Variants in CSNK1A1 observed in about 807,000 individuals in gnomAD.
CSNK1A1 encodes casein kinase 1 alpha 1.
CSNK1A1 carries 7 observed loss-of-function variants against 46.1 expected under a neutral mutation model. The observed-to-expected ratio is 0.15, with a 90% CI of 0.09 to 0.29. The LOEUF (loss-of-function observed/expected upper bound fraction) is 0.29, where lower values mean the gene tolerates loss of function less well. CSNK1A1 is among the 10% of genes least tolerant of loss of function. CSNK1A1 has a pLI of 1.00. For missense variants in CSNK1A1, 96 were observed against 417.1 expected (o/e 0.23, Z 6.71); for synonymous variants, 137 against 141.5 (o/e 0.97, Z 0.23).
At chr5:149,514,061 C>T (rs1761321707) in intron 4 of CSNK1A1, among the ~76,000 whole-genome samples, 1 of 152,148 alleles carries the variant, frequency 6.6e-6, no homozygotes, top group African/African-American at 2.4e-5. Flanking sequence ...TTAGCACTGA[C>T]ATTATACAAA....
chr5:149,497,782 C>A (rs1197967304), intron 9 of CSNK1A1: 1 of 985,336 alleles, frequency 1.0e-6, no homozygotes, highest in African/African-American at 1.7e-5. Flanking sequence ...ATCCTCACTT[C>A]TTCAGCCCAG....
intron 2 of CSNK1A1, among the ~76,000 whole-genome samples, chr5:149,540,922 C>CA (rs1029871798): frequency 6.0e-5 from 9 of 150,788 alleles, no homozygotes; most frequent in East Asian, 4.0e-4. Flanking sequence ...TACAAAAATA[C>CA]AAAAAAAATT....
At chr5:149,498,882 A>C in intron 9 of CSNK1A1, 1 of 985,442 alleles carries the variant, frequency 1.0e-6, no homozygotes, top group Non-Finnish European at 1.2e-6. Context: ...AAACTTCAGA[A>C]TGTATCTGTA....
chr5:149,542,620 A>ATGTG, intron 2 of CSNK1A1, among the ~76,000 whole-genome samples: 1 of 12,858 alleles, frequency 7.8e-5, no homozygotes, highest in East Asian at 5.7e-3. Context: ...ATATATATAT[A>ATGTG]TATATATATA....
intron 3 of CSNK1A1, 79 bp downstream of exon 3, chr5:149,524,966 A>G: frequency 7.6e-7 from 1 of 1,319,682 alleles, no homozygotes; most frequent in Non-Finnish European, 1.0e-6. Flanking sequence ...ACAGGATTTT[A>G]ATACTCTGAT....
At position 149,521,154 on chromosome 5, in the gene CSNK1A1, G is replaced by A. The variant is rs551918243; in HGVS notation, c.358-766C>T. On this transcript the variant is annotated intron_variant, in intron 3 of 9. Transcript: ENST00000377843. ...CCCACTAGTGCTTTTATTTCTATGG[G>A]CTTCAAATCCCATATAATTATGGGG... Among the ~76,000 whole-genome samples, 12 of 152,002 alleles carry A rather than the reference G, an allele frequency of 7.9e-5. No individual in the cohort carries two copies. In the East Asian group the frequency reaches 1.9e-3, roughly 24 times the overall value.
intron 9 of CSNK1A1, chr5:149,504,544 C>A: frequency 3.0e-6 from 3 of 985,330 alleles, no homozygotes; most frequent in Non-Finnish European, 3.6e-6. Flanking sequence ...AAAAGAAAGA[C>A]AAAACATGAA....
At chr5:149,530,571 G>A (rs1016966684) in intron 2 of CSNK1A1, among the ~76,000 whole-genome samples, 4 of 152,090 alleles carry the variant, frequency 2.6e-5, no homozygotes, top group African/African-American at 9.7e-5. Flanking sequence ...CAACCTTTAT[G>A]CTCCTTTTTA....
At chr5:149,539,329 G>A (rs116245512) in intron 2 of CSNK1A1, among the ~76,000 whole-genome samples, 1 of 152,074 alleles carries the variant, frequency 6.6e-6, no homozygotes, top group Admixed American at 6.6e-5. Context: ...AGCCAAGTAT[G>A]GTGGTGTATG....
At chr5:149,509,785 A>T in intron 7 of CSNK1A1, 94 bp downstream of exon 7, 1 of 808,414 alleles carries the variant, frequency 1.2e-6, no homozygotes, top group Non-Finnish European at 1.9e-6. Context: ...CATGTGACCT[A>T]CTGCCTTGGC....
intron 2 of CSNK1A1, chr5:149,549,241 T>C (rs1005098425): frequency 1.0e-5 from 5 of 484,760 alleles, no homozygotes; most frequent in South Asian, 3.6e-5. Context: ...AATTTTAACA[T>C]AGTTGGTGCT....
At chr5:149,538,896 T>C (rs985359529) in intron 2 of CSNK1A1, among the ~76,000 whole-genome samples, 1 of 149,664 alleles carries the variant, frequency 6.7e-6, no homozygotes, top group African/African-American at 2.5e-5. Context: ...CACTCCAGCT[T>C]GGGCAACAAG....
chr5:149,510,032 T>C, intron 6 of CSNK1A1, 79 bp from the exon 7 acceptor site: 1 of 905,970 alleles, frequency 1.1e-6, no homozygotes, highest in Middle Eastern at 2.2e-4. Context: ...ACTAGACATA[T>C]AAACATATAC....
intron 9 of CSNK1A1, among the ~76,000 whole-genome samples, chr5:149,499,950 GT>G (rs796205179): frequency 1.4e-5 from 2 of 138,152 alleles, no homozygotes; most frequent in Non-Finnish European, 3.1e-5. Flanking sequence ...TGGTTGTGGG[GT>G]TTTTTTTCTT....
At chr5:149,510,703 T>C (rs1354528811) in intron 6 of CSNK1A1, among the ~76,000 whole-genome samples, 2 of 152,094 alleles carry the variant, frequency 1.3e-5, no homozygotes, top group African/African-American at 4.8e-5. Context: ...GGTCTTGAAC[T>C]CCTGGGCTCA....
At chr5:149,503,392 A>AAG (rs1301521683) in intron 9 of CSNK1A1, 1 of 985,430 alleles carries the variant, frequency 1.0e-6, no homozygotes, top group African/African-American at 1.7e-5. Flanking sequence ...AAAGAGCAAA[A>AAG]AGAAGTCTGT....
At chr5:149,509,280 A>G (rs1208475527) in intron 7 of CSNK1A1, among the ~76,000 whole-genome samples, 2 of 152,196 alleles carry the variant, frequency 1.3e-5, no homozygotes, top group African/African-American at 4.8e-5. Context: ...ATTTAGAATA[A>G]TAAAAATGTA....
chr5:149,534,768 T>A lies in CSNK1A1; in HGVS notation c.231-9597A>T, dbSNP rs528938008. On this transcript the variant is annotated intron_variant, in intron 2 of 9. Transcript: ENST00000377843. The stretch of plus-strand genomic sequence containing the variant: ...GCCAACAAAGACCCCGGTCTCTCTA[T>A]GAAAAATAAAAAATTAGCCAGGCGT... Among the ~76,000 whole-genome samples, 3 of 151,454 alleles carry A rather than the reference T, an allele frequency of 2.0e-5. 1 individual carries two copies. The highest frequency in any genetic ancestry group is 2.0e-4 in the Admixed American group (3 of 15,224).
intron 9 of CSNK1A1, among the ~76,000 whole-genome samples, chr5:149,499,779 C>T (rs1425326399): frequency 6.6e-6 from 1 of 151,908 alleles, no homozygotes; most frequent in Non-Finnish European, 1.5e-5. Context: ...TAAATAGAAC[C>T]AGAAACTAGT....
Sources: gnomAD v4.1 joint callset for allele counts (sites outside exome capture counted in the v4.1 genomes callset) on GRCh38, gnomAD v4.1.1 for gene constraint, MANE v1.5 for transcripts, NCBI Gene and HGNC (gene_info 2026-07-23, HGNC 2026-07-21) for gene names.